DNAJB6: variants seen among roughly 807,000 people sequenced by gnomAD.
DNAJB6 encodes DnaJ heat shock protein family (Hsp40) member B6.
In DNAJB6, 16 loss-of-function variants were observed where a neutral mutation model predicts 42.7. The ratio of observed to expected loss-of-function variants is 0.37; its 90% CI spans 0.25 to 0.57. The LOEUF (loss-of-function observed/expected upper bound fraction) is 0.57, where lower values mean the gene tolerates loss of function less well. Among genes scored for constraint, DNAJB6 ranks in the 20% least tolerant of loss-of-function variants. The pLI is 0.74. For synonymous variants in DNAJB6, 170 were observed against 163.5 expected (o/e 1.04, Z -0.30); for missense variants, 347 against 416.8 (o/e 0.83, Z 1.46).
In DNAJB6 at chr7:157,337,372, G is replaced by A. The variant is rs928368390; in HGVS notation, c.-27+228G>A. Among the ~76,000 whole-genome samples, 37 of 151,602 alleles carry A rather than the reference G, an allele frequency of 2.4e-4. No homozygotes were observed. In the East Asian group the frequency reaches 6.0e-3, roughly 25 times the overall value. On this transcript the variant is annotated intron_variant, in intron 1 of 9. Transcript: ENST00000262177. ...GGGGCCGGGGCTGGGGTCTGGGGCC[G>A]CCCGGCCGCGTCCTCCCCGCCCGGC...
At chr7:157,369,395 G>C (rs1430608373) in intron 5 of DNAJB6, 2 of 456,548 alleles carry the variant, frequency 4.4e-6, no homozygotes, top group Middle Eastern at 3.2e-4. Flanking sequence ...CCTGTGTTCT[G>C]ATCGGTGATT....
chr7:157,367,666 G>C (rs1189919698), intron 5 of DNAJB6, among the ~76,000 whole-genome samples, 183 bp downstream of exon 5: 4 of 152,160 alleles, frequency 2.6e-5, no homozygotes, highest in Non-Finnish European at 5.9e-5. Context: ...TTCAAGACCA[G>C]CCTGACCAAC....
chr7:157,405,087 A>T (rs958724697), intron 8 of DNAJB6, among the ~76,000 whole-genome samples: 3 of 152,234 alleles, frequency 2.0e-5, no homozygotes. Context: ...GGTCACTGAC[A>T]GGCCGGCCTT....
chr7:157,363,034 T>G, intron 2 of DNAJB6, 127 bp from the exon 3 acceptor site: 1 of 593,876 alleles, frequency 1.7e-6, no homozygotes, highest in South Asian at 1.9e-5. Context: ...GGTTTTACAG[T>G]TAAAACCAGT....
At chr7:157,341,698 G>A (rs13224374) in intron 1 of DNAJB6, among the ~76,000 whole-genome samples, 1 of 151,988 alleles carries the variant, frequency 6.6e-6, no homozygotes, top group South Asian at 2.1e-4. Context: ...GAAGTTATTT[G>A]TGTTTATAGG....
intron 8 of DNAJB6, among the ~76,000 whole-genome samples, chr7:157,408,888 CT>C: frequency 6.6e-6 from 1 of 152,346 alleles, no homozygotes; most frequent in Admixed American, 6.5e-5. Flanking sequence ...TGCTTTACAT[CT>C]GCGCAGGGCT....
At chr7:157,377,322 AAGATAAAAAATC>A (rs1800523422) in intron 5 of DNAJB6, among the ~76,000 whole-genome samples, 1 of 152,214 alleles carries the variant, frequency 6.6e-6, no homozygotes, top group East Asian at 1.9e-4. Context: ...GAATTTGGGC[AAGATAAAAAATC>A]AGAACTCAGT....
chr7:157,359,629 G>T (rs1029008783), intron 2 of DNAJB6, among the ~76,000 whole-genome samples: 1 of 152,132 alleles, frequency 6.6e-6, no homozygotes. Context: ...TTTGAGACCA[G>T]CCTGGGCAAC....
intron 1 of DNAJB6, among the ~76,000 whole-genome samples, chr7:157,348,814 C>G (rs1017353137): frequency 2.6e-5 from 4 of 152,168 alleles, no homozygotes; most frequent in African/African-American, 4.8e-5. Flanking sequence ...CACCCTCACA[C>G]TGACGTTCCA....
chr7:157,387,472 C>T (rs1017713793), intron 8 of DNAJB6, among the ~76,000 whole-genome samples: 1 of 152,150 alleles, frequency 6.6e-6, no homozygotes, highest in Middle Eastern at 3.2e-3. Context: ...TTTTTTGTTA[C>T]TAAATAAATT....
At chr7:157,371,237 G>A (rs6956671) in intron 5 of DNAJB6, among the ~76,000 whole-genome samples, 28 of 152,216 alleles carry the variant, frequency 1.8e-4, no homozygotes, top group African/African-American at 6.5e-4. Context: ...GTTGGGGACC[G>A]CTGTTGACAA....
chr7:157,400,715 G>A lies in DNAJB6; in HGVS notation c.692-9080G>A, dbSNP rs1328954186. On this transcript the variant is annotated intron_variant, in intron 8 of 9. Transcript: ENST00000262177. ...CCGGGATGAAGCCCGGGTGGAAGTCGAGGGTGTTGATGAGGCACACAGGTC... is the reference window on the plus strand; with the variant it reads ...CCGGGATGAAGCCCGGGTGGAAGTCAAGGGTGTTGATGAGGCACACAGGTC... Among the ~76,000 whole-genome samples, 6 of 152,222 alleles carry A rather than the reference G, an allele frequency of 3.9e-5. No individual in the cohort carries two copies. In the East Asian group the frequency reaches 9.6e-4, roughly 24 times the overall value.
chr7:157,341,845 G>C (rs190581491), intron 1 of DNAJB6, among the ~76,000 whole-genome samples: 1 of 152,270 alleles, frequency 6.6e-6, no homozygotes, highest in East Asian at 1.9e-4. Context: ...AGTTTCAGCA[G>C]CACTGGAGAC....
chr7:157,369,744 G>A (rs1325008517), intron 5 of DNAJB6, among the ~76,000 whole-genome samples: 1 of 142,490 alleles, frequency 7.0e-6, no homozygotes, highest in Non-Finnish European at 1.5e-5. Flanking sequence ...TTATTAAACA[G>A]GCCCCTTCTT....
At chr7:157,402,220 C>T (rs1795551311) in intron 8 of DNAJB6, among the ~76,000 whole-genome samples, 1 of 152,268 alleles carries the variant, frequency 6.6e-6, no homozygotes, top group African/African-American at 2.4e-5. Context: ...CTTGGCCTCC[C>T]AGAGTGTGGG....
intron 1 of DNAJB6, among the ~76,000 whole-genome samples, chr7:157,345,274 G>A (rs1278602450): frequency 6.6e-6 from 1 of 152,154 alleles, no homozygotes; most frequent in Non-Finnish European, 1.5e-5. Flanking sequence ...GATTACAGGC[G>A]TGAGCCACTG....
At chr7:157,390,347 G>A (rs536577814) in intron 8 of DNAJB6, among the ~76,000 whole-genome samples, 1 of 152,332 alleles carries the variant, frequency 6.6e-6, no homozygotes, top group African/African-American at 2.4e-5. Flanking sequence ...GTGTAGTGTT[G>A]ATGCCACACT....
chr7:157,414,370 A>G (rs1796057543), intron 9 of DNAJB6: 1 of 150,926 alleles, frequency 6.6e-6, no homozygotes, highest in Non-Finnish European at 1.5e-5. Context: ...GCCGCCCTCC[A>G]CAGTCACGGC....
Position 157,382,167 on chromosome 7 carries a change from TTTCTC to T in DNAJB6, c.347-76_347-72del. 6 of 1,463,952 alleles carry T rather than the reference TTTCTC, an allele frequency of 4.1e-6. No homozygotes were observed. The East Asian group carries it at 9.6e-5, about 23-fold the overall frequency. 90.7% of individuals were successfully genotyped at this position (1,463,952 alleles called of 1,614,324 possible). Reference sequence around the variant, plus strand: ...TCCTGAATATGTTACAAACATCTATTTTCTCTTACTGTAGCTATCACATGAGGAAA... The same window carrying T: ...TCCTGAATATGTTACAAACATCTATTTTACTGTAGCTATCACATGAGGAAA... On this transcript the variant is annotated intron_variant, in intron 5 of 9. Coordinates refer to ENST00000262177, the MANE Select transcript of DNAJB6 (RefSeq NM_058246.4).
Sources: gnomAD v4.1 joint callset for allele counts (sites outside exome capture counted in the v4.1 genomes callset) on GRCh38, gnomAD v4.1.1 for gene constraint, MANE v1.5 for transcripts, NCBI Gene and HGNC (gene_info 2026-07-23, HGNC 2026-07-21) for gene names.